Variants in CABCOCO1 observed in about 807,000 individuals in gnomAD.
CABCOCO1 encodes the protein ciliary associated calcium binding coiled-coil 1.
In CABCOCO1, 28 loss-of-function variants were observed where a neutral mutation model predicts 35.7. That is an observed-to-expected ratio of 0.78 (90% CI 0.58 to 1.07). The LOEUF is 1.07. Among genes scored for constraint, CABCOCO1 ranks in the 50% least tolerant of loss-of-function variants. The pLI, the probability that CABCOCO1 is intolerant of heterozygous loss-of-function variation, is 0.00. For missense variants in CABCOCO1, 326 were observed against 309.2 expected, an observed-to-expected ratio of 1.05 and a Z score of -0.41; for synonymous variants, 95 against 100.1, an observed-to-expected ratio of 0.95 and a Z score of 0.30.
At chr10:61,707,747 T>A (rs186007056) in intron 5 of CABCOCO1, among the ~76,000 whole-genome samples, 3 of 152,270 alleles carry the variant, frequency 2.0e-5, no homozygotes, top group Admixed American at 6.5e-5. Flanking sequence ...AACTTTTTTT[T>A]AAAGAAATCT....
chr10:61,696,493 C>T (rs939913449), intron 5 of CABCOCO1, among the ~76,000 whole-genome samples: 5 of 151,752 alleles, frequency 3.3e-5, no homozygotes, highest in African/African-American at 1.2e-4. Context: ...ATATGAAGGT[C>T]AATTCTTTTT....
At chr10:61,678,755 T>A (rs1013830563) in intron 2 of CABCOCO1, among the ~76,000 whole-genome samples, 7 of 152,282 alleles carry the variant, frequency 4.6e-5, no homozygotes, top group Middle Eastern at 6.8e-3. Context: ...GCATCCTCTG[T>A]TATGAATTAT....
intron 5 of CABCOCO1, among the ~76,000 whole-genome samples, chr10:61,728,831 T>C (rs1313129333): frequency 6.6e-6 from 1 of 152,164 alleles, no homozygotes; most frequent in African/African-American, 2.4e-5. Flanking sequence ...AGCCTTTCCT[T>C]CTTCCTCCTT....
At chr10:61,760,645 C>T (rs1841990319) in intron 6 of CABCOCO1, among the ~76,000 whole-genome samples, 1 of 151,982 alleles carries the variant, frequency 6.6e-6, no homozygotes, top group Non-Finnish European at 1.5e-5. Context: ...GGACAAATAG[C>T]TAATGCATGC....
chr10:61,676,095 T>G (rs924235087), intron 2 of CABCOCO1, among the ~76,000 whole-genome samples: 1 of 152,188 alleles, frequency 6.6e-6, no homozygotes. Flanking sequence ...AAATCAGTGG[T>G]GCAACAAGTA....
chr10:61,729,226 T>C (rs1487551766), intron 5 of CABCOCO1, among the ~76,000 whole-genome samples: 1 of 151,936 alleles, frequency 6.6e-6, no homozygotes. Flanking sequence ...GAGATTCTGA[T>C]TACTATAATC....
intron 5 of CABCOCO1, among the ~76,000 whole-genome samples, chr10:61,701,110 C>A (rs1198779057): frequency 1.3e-5 from 2 of 151,910 alleles, no homozygotes; most frequent in Admixed American, 6.6e-5. Context: ...CTTTCTCTTT[C>A]CTTTATGCTT....
At chr10:61,724,081 A>G (rs2132045009) in intron 5 of CABCOCO1, among the ~76,000 whole-genome samples, 1 of 152,302 alleles carries the variant, frequency 6.6e-6, no homozygotes, top group Non-Finnish European at 1.5e-5. Flanking sequence ...AAAGTAAGAA[A>G]AGTTTTAGAT....
At position 61,760,120 on chromosome 10, in the gene CABCOCO1, T is replaced by A; in HGVS notation, c.614T>A (p.Ile205Asn). The A allele has an allele frequency of 6.2e-7, 1 of 1,612,148 alleles. No individual in the cohort carries two copies. The change falls in exon 6 of 8, where the codon ATC becomes AAC. Residue 205 changes from isoleucine to asparagine, a missense_variant. By Grantham distance (149) the Ile-to-Asn change is moderately radical. Transcript: ENST00000648843. ...TTCCCAAATCCTCTGGAAGAAGGAA[T>A]CTCATTTGATATTTATTCAACATTC... ...GPFPNPLEEG[I>N]SFDIYSTFIE...
At chr10:61,684,563 T>C (rs558861116) in intron 3 of CABCOCO1, among the ~76,000 whole-genome samples, 4 of 152,272 alleles carry the variant, frequency 2.6e-5, no homozygotes, top group African/African-American at 4.8e-5. Flanking sequence ...TGTTGACTGA[T>C]GGTTTCAGAG....
intron 3 of CABCOCO1, among the ~76,000 whole-genome samples, chr10:61,683,939 T>C (rs1049104801): frequency 6.6e-6 from 1 of 152,290 alleles, no homozygotes; most frequent in East Asian, 1.9e-4. Flanking sequence ...AAGTATAATT[T>C]CATCTGGAAT....
intron 1 of CABCOCO1, among the ~76,000 whole-genome samples, chr10:61,666,981 A>T (rs1839198339): frequency 7.0e-6 from 1 of 142,368 alleles, no homozygotes; most frequent in Non-Finnish European, 1.5e-5. Flanking sequence ...TTATATATAA[A>T]TATAATTATA....
intron 5 of CABCOCO1, among the ~76,000 whole-genome samples, chr10:61,699,105 C>G (rs1840371683): frequency 6.6e-6 from 1 of 152,092 alleles, no homozygotes; most frequent in Non-Finnish European, 1.5e-5. Flanking sequence ...TTGACCTACT[C>G]ACATTGGGTG....
intron 5 of CABCOCO1, among the ~76,000 whole-genome samples, chr10:61,711,655 C>A (rs1305233600): frequency 6.6e-6 from 1 of 151,864 alleles, no homozygotes; most frequent in Non-Finnish European, 1.5e-5. Context: ...AGGAGAACAA[C>A]AGAAAACATT....
intron 5 of CABCOCO1, among the ~76,000 whole-genome samples, chr10:61,698,801 A>G (rs1291549626): frequency 6.6e-6 from 1 of 152,172 alleles, no homozygotes; most frequent in Non-Finnish European, 1.5e-5. Context: ...CTATAAAGTT[A>G]TAGTGTCCTG....
intron 5 of CABCOCO1, among the ~76,000 whole-genome samples, chr10:61,737,535 C>A (rs949779952): frequency 2.0e-5 from 3 of 152,130 alleles, no homozygotes; most frequent in African/African-American, 7.2e-5. Flanking sequence ...TTCACAATAG[C>A]AAAGACATGG....
intron 5 of CABCOCO1, among the ~76,000 whole-genome samples, chr10:61,713,685 A>C (rs2132032560): frequency 6.6e-6 from 1 of 152,288 alleles, no homozygotes; most frequent in South Asian, 2.1e-4. Flanking sequence ...GATACGTTCC[A>C]TCAATACCTA....
intron 5 of CABCOCO1, among the ~76,000 whole-genome samples, chr10:61,741,399 A>T (rs1238658937): frequency 6.6e-6 from 1 of 152,176 alleles, no homozygotes; most frequent in Non-Finnish European, 1.5e-5. Flanking sequence ...CAAGGAGGGC[A>T]TCAACACAAC....
intron 5 of CABCOCO1, among the ~76,000 whole-genome samples, chr10:61,712,106 A>G (rs945065192): frequency 4.6e-5 from 7 of 151,880 alleles, no homozygotes; most frequent in Admixed American, 2.0e-4. Context: ...TCAACAGTGT[A>G]AAAGCATTCC....
Sources: allele counts gnomAD v4.1 joint callset (sites outside exome capture counted in the v4.1 genomes callset), GRCh38; gene constraint gnomAD v4.1.1; transcripts MANE v1.5; gene names NCBI Gene and HGNC (gene_info 2026-07-23, HGNC 2026-07-21).